DGKI: variants seen among roughly 807,000 people sequenced by gnomAD.
DGKI encodes the protein DAG kinase iota.
Under a neutral mutation model 147.5 loss-of-function variants are expected in DGKI, and 55 were observed. The ratio of observed to expected loss-of-function variants is 0.37; its 90% confidence interval spans 0.30 to 0.47. The LOEUF (loss-of-function observed/expected upper bound fraction) is 0.47. Among genes scored for constraint, DGKI ranks in the 20% least tolerant of loss-of-function variants. The probability of loss-of-function intolerance (pLI) is 1.00; values close to 1 mark genes in which losing one functional copy is unlikely to be tolerated. For missense variants in DGKI, 1,007 were observed against 1,323.8 expected, an observed-to-expected ratio of 0.76 and a Z score of 3.71; for synonymous variants, 469 against 477.1, an observed-to-expected ratio of 0.98 and a Z score of 0.22.
chr7:137,643,091 A>G (rs1585320839), intron 6 of DGKI, among the ~76,000 whole-genome samples: 1 of 151,822 alleles, frequency 6.6e-6, no homozygotes, highest in East Asian at 2.0e-4. Context: ...GGAGATCGAG[A>G]CCATCTTGGC....
chr7:137,478,802 C>T lies in DGKI; in HGVS notation c.2373+6572G>A, dbSNP rs549474261. Reference sequence around the variant, plus strand: ...CATGGAAGCTCTAGGTTGGACCTGGCGATGTTCTCATCACTACACAAGAAC... The same window carrying T: ...CATGGAAGCTCTAGGTTGGACCTGGTGATGTTCTCATCACTACACAAGAAC... On this transcript the variant is annotated intron_variant, in intron 23 of 32. Transcript: ENST00000614521. 1.2e-4 allele frequency among the ~76,000 whole-genome samples: 19 copies of T among 152,212 alleles called. No homozygotes were observed. In the East Asian group the frequency reaches 1.9e-3, roughly 15 times the overall value.
chr7:137,820,011 G>C (rs952797824), intron 1 of DGKI, among the ~76,000 whole-genome samples: 1 of 152,102 alleles, frequency 6.6e-6, no homozygotes, highest in Admixed American at 6.5e-5. Context: ...GCATGCCTTC[G>C]ACATAGTGCA....
At chr7:137,561,126 C>T (rs1360689801) in intron 19 of DGKI, among the ~76,000 whole-genome samples, 1 of 152,026 alleles carries the variant, frequency 6.6e-6, no homozygotes, top group African/African-American at 2.4e-5. Context: ...TCTGTAACCC[C>T]CATGTTTATT....
chr7:137,676,479 G>A (rs73730095), intron 3 of DGKI, among the ~76,000 whole-genome samples: 5,999 of 152,134 alleles, frequency 0.039, 338 homozygotes, highest in African/African-American at 0.13. Context: ...CCTCAAAACA[G>A]TGTTTCCCCC....
At chr7:137,479,442 A>G (rs573480485) in intron 23 of DGKI, among the ~76,000 whole-genome samples, 32 of 152,162 alleles carry the variant, frequency 2.1e-4, no homozygotes, top group Non-Finnish European at 3.2e-4. Flanking sequence ...TATTTCTGAA[A>G]GCCAACTGGC....
intron 30 of DGKI, among the ~76,000 whole-genome samples, chr7:137,404,666 A>G (rs542345854): frequency 1.3e-5 from 2 of 152,320 alleles, no homozygotes; most frequent in African/African-American, 4.8e-5. Flanking sequence ...AAGTGAAGTT[A>G]GGATGATTAC....
rs571814343 is a variant in DGKI, at chr7:137,520,553, C to G, written c.2248+1313G>C. Among the ~76,000 whole-genome samples the G allele has an allele frequency of 7.2e-5, 11 of 152,048 alleles. No individual in the cohort carries two copies. The South Asian group carries it at 2.1e-3, about 29-fold the overall frequency. ...TGCTCCTCCTCCAGCTCACACTTTCCTATAAAAGGAAATGAGGGTAAAGTA... is the reference window on the plus strand; with the variant it reads ...TGCTCCTCCTCCAGCTCACACTTTCGTATAAAAGGAAATGAGGGTAAAGTA... On this transcript the variant is annotated intron_variant, in intron 21 of 32. Transcript: ENST00000614521.
chr7:137,527,398 C>T (rs1585200623), intron 20 of DGKI, among the ~76,000 whole-genome samples: 1 of 152,074 alleles, frequency 6.6e-6, no homozygotes, highest in Admixed American at 6.6e-5. Flanking sequence ...AATGGGCATC[C>T]GTCAACATCA....
chr7:137,434,775 G>T (rs1813218474), intron 28 of DGKI, among the ~76,000 whole-genome samples: 1 of 152,146 alleles, frequency 6.6e-6, no homozygotes, highest in Non-Finnish European at 1.5e-5. Context: ...GTAGGGTCAG[G>T]ACACATAGAA....
chr7:137,440,826 G>T (rs1163406013), intron 28 of DGKI, among the ~76,000 whole-genome samples: 1 of 152,158 alleles, frequency 6.6e-6, no homozygotes, highest in Non-Finnish European at 1.5e-5. Context: ...CAGTTTATGT[G>T]TCATTTAGAC....
chr7:137,540,642 CA>C (rs1428336285), intron 20 of DGKI, among the ~76,000 whole-genome samples: 1 of 150,934 alleles, frequency 6.6e-6, no homozygotes, highest in African/African-American at 2.4e-5. Context: ...GCTGAAATCG[CA>C]CCACTGCACT....
At chr7:137,452,901 T>C (rs1443066404) in intron 27 of DGKI, 1 of 152,172 alleles carries the variant, frequency 6.6e-6, no homozygotes, top group Non-Finnish European at 1.5e-5. Context: ...GGTGAACATG[T>C]AAGAATGTTC....
At chr7:137,704,860 C>A (rs925396848) in intron 1 of DGKI, among the ~76,000 whole-genome samples, 1 of 152,120 alleles carries the variant, frequency 6.6e-6, no homozygotes, top group East Asian at 1.9e-4. Flanking sequence ...GGCAGTGAGA[C>A]GATATGTTAT....
intron 27 of DGKI, among the ~76,000 whole-genome samples, chr7:137,462,655 C>G (rs1814491875): frequency 6.6e-6 from 1 of 152,082 alleles, no homozygotes; most frequent in South Asian, 2.1e-4. Flanking sequence ...GTTATTCTGT[C>G]AAAAGACTAA....
chr7:137,439,931 T>C (rs1383008004), intron 28 of DGKI, among the ~76,000 whole-genome samples: 1 of 152,220 alleles, frequency 6.6e-6, no homozygotes, highest in Admixed American at 6.5e-5. Flanking sequence ...TAATGCCTTT[T>C]ATTTTGTAAA....
At chr7:137,485,531 A>G (rs1815525061) in intron 22 of DGKI, 113 bp from the exon 23 acceptor site, 4 of 783,156 alleles carry the variant, frequency 5.1e-6, no homozygotes, top group Middle Eastern at 2.3e-4. Context: ...TCATCTGGAA[A>G]GTATCGAACA....
intron 22 of DGKI, among the ~76,000 whole-genome samples, 182 bp downstream of exon 22, chr7:137,487,428 C>T (rs1247951821): frequency 1.3e-5 from 2 of 152,170 alleles, no homozygotes; most frequent in Non-Finnish European, 2.9e-5. Flanking sequence ...TTTCAACCAT[C>T]TGAGGAGTGA....
intron 7 of DGKI, among the ~76,000 whole-genome samples, chr7:137,622,275 T>C (rs971350537): frequency 6.6e-6 from 1 of 152,204 alleles, no homozygotes; most frequent in Non-Finnish European, 1.5e-5. Flanking sequence ...CCATTTCATA[T>C]GTTTCAACTA....
chr7:137,724,430 G>T (rs1204487237), intron 1 of DGKI, among the ~76,000 whole-genome samples: 1 of 152,218 alleles, frequency 6.6e-6, no homozygotes, highest in Non-Finnish European at 1.5e-5. Flanking sequence ...TATAACTAGA[G>T]AAATCATTTA....
Sources: allele counts gnomAD v4.1 joint callset (sites outside exome capture counted in the v4.1 genomes callset), GRCh38; gene constraint gnomAD v4.1.1; transcripts MANE v1.5; gene names NCBI Gene and HGNC (gene_info 2026-07-23, HGNC 2026-07-21).